The following CD53 variants were observed in gnomAD, a reference collection of about 807,000 sequenced individuals.
CD53 encodes the protein CD53 molecule.
In CD53, 20 loss-of-function variants were observed where a neutral mutation model predicts 27.3. That is an observed-to-expected ratio of 0.73 (90% CI 0.52 to 1.07). The LOEUF is 1.07. CD53 is among the 50% of genes least tolerant of loss of function. CD53 has a pLI of 0.00. For missense variants in CD53, 216 were observed against 264.0 expected (o/e 0.82, Z 1.26); for synonymous variants, 106 against 105.3 (o/e 1.01, Z -0.04).
At chr1:110,893,125 T>C (rs1656921505) in intron 3 of CD53, among the ~76,000 whole-genome samples, 1 of 152,214 alleles carries the variant, frequency 6.6e-6, no homozygotes, top group Non-Finnish European at 1.5e-5. Context: ...GCTTAGGTTT[T>C]GCCTGTAAGC....
chr1:110,899,870 A>T lies in CD53; in HGVS notation c.*675A>T, dbSNP rs1472085275. On this transcript the variant is annotated 3_prime_UTR_variant, in exon 8 of 8. Transcript: ENST00000271324. ...TGGTATTATCTCTCTATCAGATAAGATTTTGTTAATGTACTATTTTACTCT... is the reference window on the plus strand; with the variant it reads ...TGGTATTATCTCTCTATCAGATAAGTTTTTGTTAATGTACTATTTTACTCT... 6.6e-6 allele frequency: 1 copy of T among 152,038 alleles called. No homozygotes were observed. The highest frequency in any genetic ancestry group is 1.5e-5 in the Non-Finnish European group (1 of 67,968). 9.4% of individuals were successfully genotyped at this position (152,038 alleles called of 1,614,324 possible).
intron 1 of CD53, among the ~76,000 whole-genome samples, chr1:110,874,532 GACAA>G (rs1431243407): frequency 1.3e-5 from 2 of 152,316 alleles, no homozygotes; most frequent in Admixed American, 6.5e-5. Context: ...CCAGCTGCTG[GACAA>G]ACAAAGAGGT....
At chr1:110,872,897 C>T (rs974738380), upstream of CD53, among the ~76,000 whole-genome samples, 1 of 152,146 alleles carries the variant, frequency 6.6e-6, no homozygotes, top group East Asian at 1.9e-4. Flanking sequence ...AAAATCATTG[C>T]CAAATTACCC....
chr1:110,876,811 A>G (rs1473633624), intron 1 of CD53, among the ~76,000 whole-genome samples: 2 of 152,208 alleles, frequency 1.3e-5, no homozygotes, highest in Non-Finnish European at 2.9e-5. Context: ...AAAAGGTTGA[A>G]AAAATATTAT....
rs186152610 is a variant in CD53, at chr1:110,892,215, A to G, written c.64-130A>G. 11 of 752,912 alleles carry G rather than the reference A, an allele frequency of 1.5e-5. No homozygotes were observed. In the African/African-American group the frequency reaches 1.5e-4, roughly 11 times the overall value. The allele number at this position is 752,912 out of a possible 1,614,324, so 46.6% of individuals were successfully genotyped here. A position where few individuals can be genotyped will look rare whatever the true frequency, so the allele number is the denominator to read the frequency against. Reference sequence around the variant, plus strand: ...GTAAGCATGGAAAAGTTTGGTAAAGAAATTGTTCATGAGACTCTTGATTGA... The same window carrying G: ...GTAAGCATGGAAAAGTTTGGTAAAGGAATTGTTCATGAGACTCTTGATTGA... On this transcript the variant is annotated intron_variant, in intron 2 of 7. Coordinates refer to ENST00000271324, the MANE Select transcript of CD53 (RefSeq NM_000560.4).
At chr1:110,883,204 GCCTTTTATAAGTTTGCATAA>G (rs1163897566) in intron 1 of CD53, among the ~76,000 whole-genome samples, 6 of 151,858 alleles carry the variant, frequency 4.0e-5, no homozygotes, top group Admixed American at 3.9e-4. Context: ...CTTCATAAAT[GCCTTTTATAAGTTTGCATAA>G]GCGTTCTTCT....
At chr1:110,891,347 C>T in intron 1 of CD53, 45 bp from the exon 2 acceptor site, 5 of 1,296,174 alleles carry the variant, frequency 3.9e-6, no homozygotes, top group Non-Finnish European at 5.6e-6. Context: ...TCTCTGGCTA[C>T]CTTACAGAGT....
chr1:110,875,078 A>C (rs1656070988), intron 1 of CD53, among the ~76,000 whole-genome samples: 1 of 152,234 alleles, frequency 6.6e-6, no homozygotes, highest in Non-Finnish European at 1.5e-5. Context: ...GGAGTGTGCC[A>C]AAAACTGCCT....
intron 5 of CD53, among the ~76,000 whole-genome samples, chr1:110,896,136 G>T (rs1157832511): frequency 1.3e-5 from 2 of 152,124 alleles, no homozygotes; most frequent in Middle Eastern, 3.2e-3. Flanking sequence ...TAGGCTATTT[G>T]TCCTTTAGAC....
At chr1:110,890,321 C>T (rs1656801854) in intron 1 of CD53, among the ~76,000 whole-genome samples, 1 of 152,180 alleles carries the variant, frequency 6.6e-6, no homozygotes. Flanking sequence ...AATCCCAGCA[C>T]TTTGGGAGGC....
At chr1:110,872,133 G>A (rs1050041872), upstream of CD53, among the ~76,000 whole-genome samples, 1 of 152,124 alleles carries the variant, frequency 6.6e-6, no homozygotes, top group Non-Finnish European at 1.5e-5. Context: ...CCCAGTGATT[G>A]CTTCCAAGTT....
At chr1:110,874,759 T>G (rs1656061927) in intron 1 of CD53, among the ~76,000 whole-genome samples, 1 of 152,210 alleles carries the variant, frequency 6.6e-6, no homozygotes, top group Non-Finnish European at 1.5e-5. Flanking sequence ...ACCACCTAAG[T>G]GACCTCACCT....
At chr1:110,897,595 A>G in intron 6 of CD53, 1 of 425,054 alleles carries the variant, frequency 2.4e-6, no homozygotes, top group Non-Finnish European at 4.3e-6. Context: ...TACATTAGTT[A>G]CCACTGTAAT....
chr1:110,876,909 G>A (rs967154466), intron 1 of CD53, among the ~76,000 whole-genome samples: 1 of 152,090 alleles, frequency 6.6e-6, no homozygotes, highest in African/African-American at 2.4e-5. Flanking sequence ...TCATTTGACA[G>A]TAATTAGTAA....
chr1:110,894,476 G>T, intron 4 of CD53, 75 bp downstream of exon 4: 1 of 1,109,528 alleles, frequency 9.0e-7, no homozygotes, highest in Admixed American at 1.7e-5. Flanking sequence ...TTGGTACAAA[G>T]TTACAGAATA....
intron 1 of CD53, among the ~76,000 whole-genome samples, chr1:110,879,569 TTTTC>T: frequency 6.6e-6 from 1 of 152,200 alleles, no homozygotes; most frequent in Admixed American, 6.5e-5. Flanking sequence ...CACTGTTTTT[TTTTC>T]TTTATCTTGG....
At position 110,899,437 on chromosome 1, in the gene CD53, T is replaced by C. The variant is rs953641734; in HGVS notation, c.*242T>C. 2.0e-5 allele frequency: 8 copies of C among 408,092 alleles called. No homozygotes were observed. The highest frequency in any genetic ancestry group is 1.7e-4 in the Admixed American group (4 of 23,740). The allele number at this position is 408,092 out of a possible 1,614,324, so 25.3% of individuals were successfully genotyped here. A position where few individuals can be genotyped will look rare whatever the true frequency, so the allele number is the denominator to read the frequency against. On this transcript the variant is annotated 3_prime_UTR_variant, in exon 8 of 8. Coordinates refer to ENST00000271324, the MANE Select transcript of CD53 (RefSeq NM_000560.4). ...GTCTCTCAAAGTGGTGAAACTAATATCTGAGCATCTTTTAGACAAGAGAGG... is the reference window on the plus strand; with the variant it reads ...GTCTCTCAAAGTGGTGAAACTAATACCTGAGCATCTTTTAGACAAGAGAGG...
At chr1:110,880,303 A>C (rs1656307512) in intron 1 of CD53, 1 of 152,270 alleles carries the variant, frequency 6.6e-6, no homozygotes, top group Non-Finnish European at 1.5e-5. Flanking sequence ...CCCTTATGGC[A>C]TGTGGCAAAA....
intron 1 of CD53, among the ~76,000 whole-genome samples, chr1:110,877,042 C>T (rs1165803598): frequency 6.6e-6 from 1 of 152,156 alleles, no homozygotes; most frequent in Non-Finnish European, 1.5e-5. Context: ...ATATAATTAA[C>T]AATCTATGTA....
Sources: allele counts gnomAD v4.1 joint callset (sites outside exome capture counted in the v4.1 genomes callset), GRCh38; gene constraint gnomAD v4.1.1; transcripts MANE v1.5; gene names NCBI Gene and HGNC (gene_info 2026-07-23, HGNC 2026-07-21).